DNAJC1: variants seen among roughly 807,000 people sequenced by gnomAD.
DNAJC1 encodes dnaJ homolog subfamily C member 1.
Under a neutral mutation model 76.6 loss-of-function variants are expected in DNAJC1, and 58 were observed. The ratio of observed to expected loss-of-function variants is 0.76; its 90% CI spans 0.61 to 0.94. The LOEUF (loss-of-function observed/expected upper bound fraction) is 0.94. Ranked by LOEUF, DNAJC1 falls within the 40% of genes least tolerant of loss-of-function variation. The pLI is 0.00. For synonymous variants in DNAJC1, 258 were observed against 267.9 expected (o/e 0.96, Z 0.36); for missense variants, 689 against 677.3 (o/e 1.02, Z -0.19).
At chr10:21,854,359 A>AT (rs1835799835) in intron 8 of DNAJC1, among the ~76,000 whole-genome samples, 1 of 151,802 alleles carries the variant, frequency 6.6e-6, no homozygotes, top group African/African-American at 2.4e-5. Context: ...TTAAAAAAAA[A>AT]AAAAAAAAAA....
At chr10:21,779,901 T>C (rs1453075045) in intron 9 of DNAJC1, among the ~76,000 whole-genome samples, 1 of 152,148 alleles carries the variant, frequency 6.6e-6, no homozygotes, top group Non-Finnish European at 1.5e-5. Flanking sequence ...AGACCTTCAA[T>C]GACCTGATGG....
chr10:21,767,793 C>T (rs530700533), intron 9 of DNAJC1, among the ~76,000 whole-genome samples: 4 of 152,136 alleles, frequency 2.6e-5, no homozygotes, highest in South Asian at 2.1e-4. Flanking sequence ...GTCAGGAGTT[C>T]GAGACCAGCC....
At chr10:21,808,650 C>T (rs933657959) in intron 8 of DNAJC1, among the ~76,000 whole-genome samples, 2 of 152,178 alleles carry the variant, frequency 1.3e-5, no homozygotes, top group African/African-American at 4.8e-5. Flanking sequence ...GCAACAGAGC[C>T]TCCTGTGATC....
chr10:21,790,676 G>GAT (rs1252565996), intron 9 of DNAJC1, among the ~76,000 whole-genome samples: 1 of 152,008 alleles, frequency 6.6e-6, no homozygotes, highest in African/African-American at 2.4e-5. Flanking sequence ...GCAAAAAGAT[G>GAT]ATAATCACCA....
intron 8 of DNAJC1, among the ~76,000 whole-genome samples, chr10:21,806,629 A>C (rs1343425288): frequency 1.3e-5 from 2 of 152,170 alleles, no homozygotes; most frequent in African/African-American, 4.8e-5. Flanking sequence ...ATGACACTTT[A>C]TGATCATTCT....
chr10:21,979,011 G>A (rs558197700), intron 1 of DNAJC1, among the ~76,000 whole-genome samples: 15 of 151,356 alleles, frequency 9.9e-5, no homozygotes, highest in East Asian at 7.8e-4. Flanking sequence ...AGTAAACAGC[G>A]GAATGATATT....
chr10:21,885,406 C>A (rs1208271148), intron 7 of DNAJC1, among the ~76,000 whole-genome samples: 3 of 152,214 alleles, frequency 2.0e-5, no homozygotes, highest in African/African-American at 7.2e-5. Flanking sequence ...CTTCAACACT[C>A]CATTGACAGT....
At chr10:21,763,995 T>C (rs1428943903) in intron 10 of DNAJC1, among the ~76,000 whole-genome samples, 1 of 152,152 alleles carries the variant, frequency 6.6e-6, no homozygotes, top group Non-Finnish European at 1.5e-5. Flanking sequence ...TTAATTCCTC[T>C]CTCACTGCCT....
In DNAJC1 at chr10:21,947,219, A is replaced by G. The variant is rs545625838; in HGVS notation, c.223-18078T>C. ...TTGAGAAACAGAAGCCAATTTAAGA[A>G]GCAAATTAGCAAGTAATTAAAAAAA... On this transcript the variant is annotated intron_variant, in intron 1 of 11. Transcript: ENST00000376980. Among the ~76,000 whole-genome samples, 10 of 152,348 alleles carry G rather than the reference A, an allele frequency of 6.6e-5. No individual in the cohort carries two copies. The South Asian group carries it at 1.7e-3, about 25-fold the overall frequency.
At chr10:21,837,361 C>A (rs190550327) in intron 8 of DNAJC1, among the ~76,000 whole-genome samples, 1,949 of 152,232 alleles carry the variant, frequency 0.013, 43 homozygotes, top group African/African-American at 0.044. Flanking sequence ...AGCGTCTCTG[C>A]CTGGCCGCCC....
chr10:21,884,607 G>A (rs1836337841), intron 7 of DNAJC1, among the ~76,000 whole-genome samples: 1 of 152,064 alleles, frequency 6.6e-6, no homozygotes, highest in Admixed American at 6.6e-5. Flanking sequence ...GTGTGTGTAT[G>A]ACTATTTACT....
intron 9 of DNAJC1, among the ~76,000 whole-genome samples, chr10:21,768,870 C>T (rs1834335273): frequency 6.6e-6 from 1 of 152,182 alleles, no homozygotes; most frequent in Non-Finnish European, 1.5e-5. Flanking sequence ...TGAATCCTCA[C>T]AGAACTATGC....
intron 10 of DNAJC1, among the ~76,000 whole-genome samples, chr10:21,765,713 C>T (rs868662200): frequency 8.6e-5 from 13 of 152,004 alleles, no homozygotes; most frequent in South Asian, 2.1e-4. Flanking sequence ...GGTGCAGTGG[C>T]GGGCGCCCGT....
chr10:21,978,304 A>T (rs1313268889), intron 1 of DNAJC1, among the ~76,000 whole-genome samples: 1 of 152,156 alleles, frequency 6.6e-6, no homozygotes, highest in Non-Finnish European at 1.5e-5. Flanking sequence ...ACTCTTTAAG[A>T]ATTTCCATTA....
intron 9 of DNAJC1, among the ~76,000 whole-genome samples, 166 bp from the exon 10 acceptor site, chr10:21,766,475 C>G (rs538817784): frequency 1.3e-5 from 2 of 152,322 alleles, no homozygotes; most frequent in South Asian, 4.1e-4. Flanking sequence ...AACAAGAAAA[C>G]TGAAGCCCAG....
chr10:22,003,446 C>A lies in DNAJC1; in HGVS notation c.-12G>T. 2 of 1,354,928 alleles carry A rather than the reference C, an allele frequency of 1.5e-6. No homozygotes were observed. The highest frequency in any genetic ancestry group is 1.5e-5 in the African/African-American group (1 of 65,094). The allele number at this position is 1,354,928 out of a possible 1,614,324, so 83.9% of individuals were successfully genotyped here. A position where few individuals can be genotyped will look rare whatever the true frequency, so the allele number is the denominator to read the frequency against. On this transcript the variant is annotated 5_prime_UTR_variant, in exon 1 of 12. Transcript: ENST00000376980. ...CAAGGAGCCGTCATCGCGCTGGGCT[C>A]GGAAAGGTCACCCGCCGCGCAGCTC... is the stretch of plus-strand genomic sequence containing the variant.
intron 8 of DNAJC1, among the ~76,000 whole-genome samples, chr10:21,816,593 TG>T (rs1329133938): frequency 3.4e-5 from 5 of 148,440 alleles, no homozygotes; most frequent in Non-Finnish European, 7.4e-5. Flanking sequence ...TCACCCAGGC[TG>T]GAGTGCAGTG....
At chr10:21,856,058 G>A (rs1283988380) in intron 8 of DNAJC1, among the ~76,000 whole-genome samples, 3 of 152,152 alleles carry the variant, frequency 2.0e-5, no homozygotes, top group African/African-American at 4.8e-5. Flanking sequence ...ATTAGAGATA[G>A]TTACAGAGAC....
chr10:21,837,195 A>C (rs1459508277), intron 8 of DNAJC1, among the ~76,000 whole-genome samples: 1 of 152,184 alleles, frequency 6.6e-6, no homozygotes, highest in East Asian at 1.9e-4. Flanking sequence ...TTGCAGACGG[A>C]GTCTCGTTCA....
Sources: gnomAD v4.1 joint callset for allele counts (sites outside exome capture counted in the v4.1 genomes callset) on GRCh38, gnomAD v4.1.1 for gene constraint, MANE v1.5 for transcripts, NCBI Gene and HGNC (gene_info 2026-07-23, HGNC 2026-07-21) for gene names.